Variants in GABRG3 observed in about 807,000 individuals in gnomAD.
The protein encoded by GABRG3 is gamma-aminobutyric acid type A receptor subunit gamma3, also known as gamma-aminobutyric acid receptor subunit gamma-3.
A neutral mutation model predicts 48.8 loss-of-function variants in GABRG3; 25 were observed. The observed-to-expected ratio is 0.51, with a 90% confidence interval of 0.37 to 0.72. GABRG3 has a LOEUF of 0.72. Ranked by LOEUF, GABRG3 falls within the 30% of genes least tolerant of loss-of-function variation. The pLI is 0.00. For missense variants in GABRG3, 394 were observed against 577.9 expected, an observed-to-expected ratio of 0.68 and a Z score of 3.26; for synonymous variants, 227 against 217.6, an observed-to-expected ratio of 1.04 and a Z score of -0.38.
chr15:27,109,614 G>GCT (rs1271034111), intron 3 of GABRG3, among the ~76,000 whole-genome samples: 1 of 152,196 alleles, frequency 6.6e-6, no homozygotes, highest in Non-Finnish European at 1.5e-5. Flanking sequence ...GGGCGCAGTG[G>GCT]CTCACAGCCT....
chr15:27,004,508 C>T lies in GABRG3; in HGVS notation c.203-22246C>T, dbSNP rs920090459. ...GGCTCCTCACATCCCAGACGATGGG[C>T]GGTCAGGCAGAGACACTCCTCACTT... is the stretch of plus-strand genomic sequence containing the variant. On this transcript the variant is annotated intron_variant, in intron 2 of 9. Coordinates refer to ENST00000615808, the MANE Select transcript of GABRG3 (RefSeq NM_033223.5). 5.9e-5 allele frequency among the ~76,000 whole-genome samples: 9 copies of T among 151,950 alleles called. No individual in the cohort carries two copies. In the South Asian group the frequency reaches 1.2e-3, roughly 21 times the overall value.
chr15:27,449,286 C>G (rs1021774460), intron 5 of GABRG3, among the ~76,000 whole-genome samples: 17 of 152,198 alleles, frequency 1.1e-4, no homozygotes, highest in Non-Finnish European at 8.8e-5. Flanking sequence ...CTCCCGCATC[C>G]AGGCACCTCT....
chr15:27,412,018 T>G (rs1393908049), intron 5 of GABRG3, among the ~76,000 whole-genome samples: 2 of 152,096 alleles, frequency 1.3e-5, no homozygotes, highest in Admixed American at 6.5e-5. Flanking sequence ...CTTGAAGAAC[T>G]TCGTATAATA....
intron 2 of GABRG3, among the ~76,000 whole-genome samples, chr15:26,985,349 T>TG (rs1895132155): frequency 6.6e-6 from 1 of 152,230 alleles, no homozygotes; most frequent in Non-Finnish European, 1.5e-5. Flanking sequence ...TGCCCGTTCC[T>TG]GGATGAGGAA....
At chr15:27,269,704 T>C (rs1359469283) in intron 3 of GABRG3, among the ~76,000 whole-genome samples, 2 of 152,342 alleles carry the variant, frequency 1.3e-5, no homozygotes, top group African/African-American at 4.8e-5. Context: ...ATAGGTGACA[T>C]GAGTACATTT....
intron 5 of GABRG3, among the ~76,000 whole-genome samples, chr15:27,403,993 GGGT>G (rs1887557898): frequency 6.6e-6 from 1 of 151,074 alleles, no homozygotes; most frequent in Non-Finnish European, 1.5e-5. Flanking sequence ...AGGCCGAGGC[GGGT>G]GGATCACGAG....
rs1021948000 is a variant in GABRG3, at chr15:27,534,818, A to G, written c.*1937A>G. ...GATATGTCTGAATTTCCAAAGATGG[A>G]GTCTATACAGCGTGAGACATTCAAA... On this transcript the variant is annotated 3_prime_UTR_variant, in exon 10 of 10. Transcript: ENST00000615808. 4 of 152,172 alleles carry G rather than the reference A, an allele frequency of 2.6e-5. No homozygotes were observed. The highest frequency in any genetic ancestry group is 4.4e-5 in the Non-Finnish European group (3 of 68,034). 9.4% of individuals were successfully genotyped at this position (152,172 alleles called of 1,614,324 possible). A position where few individuals can be genotyped will look rare whatever the true frequency, so the allele number is the denominator to read the frequency against.
intron 6 of GABRG3, among the ~76,000 whole-genome samples, chr15:27,488,613 T>C (rs1179373535): frequency 1.3e-5 from 2 of 152,192 alleles, no homozygotes; most frequent in Middle Eastern, 3.2e-3. Context: ...CACCTGTTGG[T>C]ATCCCAGGGA....
chr15:27,004,058 C>T (rs1440684431), intron 2 of GABRG3, among the ~76,000 whole-genome samples: 27 of 146,408 alleles, frequency 1.8e-4, no homozygotes, highest in East Asian at 4.2e-4. Flanking sequence ...CCGGACGGGG[C>T]GGCTGACCCG....
chr15:27,166,611 C>A (rs1887382419), intron 3 of GABRG3, among the ~76,000 whole-genome samples: 1 of 152,216 alleles, frequency 6.6e-6, no homozygotes, highest in East Asian at 1.9e-4. Context: ...AGCCCACCCC[C>A]TACACCAGCA....
chr15:27,244,953 A>G (rs888583136), intron 3 of GABRG3, among the ~76,000 whole-genome samples: 2 of 152,124 alleles, frequency 1.3e-5, no homozygotes, highest in African/African-American at 4.8e-5. Flanking sequence ...AGGTTTTTAA[A>G]AATTTCCACG....
At chr15:27,167,578 A>G (rs1238600497) in intron 3 of GABRG3, among the ~76,000 whole-genome samples, 1 of 152,172 alleles carries the variant, frequency 6.6e-6, no homozygotes, top group African/African-American at 2.4e-5. Flanking sequence ...ATCCCTCCAC[A>G]TACTACTAGT....
chr15:27,491,753 A>G (rs991743627), intron 6 of GABRG3, among the ~76,000 whole-genome samples: 8 of 152,232 alleles, frequency 5.3e-5, no homozygotes, highest in African/African-American at 1.9e-4. Context: ...TGTGATCAGA[A>G]CAAAAAACCG....
chr15:27,016,047 T>C lies in GABRG3; in HGVS notation c.203-10707T>C, dbSNP rs187761680. Among the ~76,000 whole-genome samples, 514 of 152,226 alleles carry C rather than the reference T, an allele frequency of 3.4e-3. 3 individuals carry two copies. Among genetic ancestry groups the C allele is most frequent in the Non-Finnish European group, 6.1e-3 (416 of 68,018 alleles). ...ATTAACGTAGTTTTATAATTACTTT[T>C]TATGCTTTTGTTTTTTAAATTCTAT... On this transcript the variant is annotated intron_variant, in intron 2 of 9. Coordinates refer to ENST00000615808, the MANE Select transcript of GABRG3 (RefSeq NM_033223.5).
At chr15:27,140,452 G>C (rs1306587105) in intron 3 of GABRG3, among the ~76,000 whole-genome samples, 5 of 152,118 alleles carry the variant, frequency 3.3e-5, no homozygotes, top group Non-Finnish European at 7.4e-5. Flanking sequence ...AGAAATTTGA[G>C]TTTGAGTGTT....
intron 3 of GABRG3, among the ~76,000 whole-genome samples, chr15:27,192,128 C>T (rs536714121): frequency 6.6e-6 from 1 of 152,106 alleles, no homozygotes; most frequent in African/African-American, 2.4e-5. Context: ...TTGAGGGTAA[C>T]CCGACCTTTC....
intron 5 of GABRG3, among the ~76,000 whole-genome samples, chr15:27,436,869 AC>A (rs759324733): frequency 6.6e-6 from 1 of 152,016 alleles, no homozygotes; most frequent in Non-Finnish European, 1.5e-5. Context: ...GGTGGCGTAC[AC>A]CTGTGGTCCC....
intron 3 of GABRG3, among the ~76,000 whole-genome samples, chr15:27,270,810 G>T (rs545072520): frequency 6.6e-6 from 1 of 152,090 alleles, no homozygotes; most frequent in African/African-American, 2.4e-5. Flanking sequence ...CAGCTTATAC[G>T]TGCACTGAAA....
At chr15:27,250,858 C>A (rs781148269) in intron 3 of GABRG3, among the ~76,000 whole-genome samples, 1 of 152,158 alleles carries the variant, frequency 6.6e-6, no homozygotes, top group Non-Finnish European at 1.5e-5. Flanking sequence ...AGGACGTGGA[C>A]GGCAGCTGCT....
Sources: gnomAD v4.1 joint callset for allele counts (sites outside exome capture counted in the v4.1 genomes callset) on GRCh38, gnomAD v4.1.1 for gene constraint, MANE v1.5 for transcripts, NCBI Gene and HGNC (gene_info 2026-07-23, HGNC 2026-07-21) for gene names.